CENPN: variants seen among roughly 807,000 people sequenced by gnomAD.
CENPN encodes the protein interphase centromere complex protein 32.
In CENPN, 36 loss-of-function variants were observed where a neutral mutation model predicts 48.6. The ratio of observed to expected loss-of-function variants is 0.74; its 90% CI spans 0.57 to 0.98. CENPN has a LOEUF of 0.98. Ranked by LOEUF, CENPN falls within the 50% of genes least tolerant of loss-of-function variation. The pLI is 0.00. For synonymous variants in CENPN, 166 were observed against 135.2 expected (o/e 1.23, Z -1.58); for missense variants, 439 against 399.2 (o/e 1.10, Z -0.85).
chr16:81,028,790 A>G lies in CENPN; in HGVS notation c.*139A>G, dbSNP rs1342151317. On this transcript the variant is annotated 3_prime_UTR_variant, in exon 11 of 11. Transcript: ENST00000305850. ...GTATTGAATTTTTAGAAATGCTCAC[A>G]TAATTGTTGGGACTGATTCATTCCT... The G allele has an allele frequency of 1.1e-5, 16 of 1,433,308 alleles. No individual in the cohort carries two copies. The East Asian group carries it at 2.6e-4, about 23-fold the overall frequency. 88.8% of individuals were successfully genotyped at this position (1,433,308 alleles called of 1,614,324 possible).
Position 81,022,663 on chromosome 16 carries a change from T to C in CENPN, c.598T>C (p.Ser200Pro). 1 of 1,614,068 alleles carries C rather than the reference T, an allele frequency of 6.2e-7. No homozygotes were observed. Residue 200 changes from serine to proline, a missense_variant, in exon 7 of 11, where the codon TCT becomes CCT. Ser to Pro is a moderately conservative substitution (Grantham distance 74). Coordinates refer to ENST00000305850, the MANE Select transcript of CENPN (RefSeq NM_001100624.3). ...KMDLRSRYLD[S>P]LKAIVFKQYN... ...GGACCTGAGAAGTCGGTATCTGGACTCTCTTAAGGCTATTGTTTTTAAACA... is the reference window on the plus strand; with the variant it reads ...GGACCTGAGAAGTCGGTATCTGGACCCTCTTAAGGCTATTGTTTTTAAACA...
At chr16:81,032,466 C>G (rs2151728360), downstream of CENPN, 1 of 1,182,528 alleles carries the variant, frequency 8.5e-7, no homozygotes, top group East Asian at 2.5e-5. Flanking sequence ...AATCATCACT[C>G]TGATGCCTCC....
At chr16:81,026,037 G>A (rs968600177) in intron 8 of CENPN, among the ~76,000 whole-genome samples, 2 of 147,896 alleles carry the variant, frequency 1.4e-5, no homozygotes, top group Admixed American at 1.4e-4. Flanking sequence ...ACATATATAG[G>A]CTGGGTGCCA....
At chr16:81,025,724 A>C in intron 8 of CENPN, among the ~76,000 whole-genome samples, 1 of 129,386 alleles carries the variant, frequency 7.7e-6, no homozygotes, top group Non-Finnish European at 1.5e-5. Flanking sequence ...TTTTTTTAAG[A>C]CAGAGTCTCA....
chr16:81,021,730 G>A (rs1473963820), intron 6 of CENPN, among the ~76,000 whole-genome samples: 3 of 151,526 alleles, frequency 2.0e-5, no homozygotes, highest in Non-Finnish European at 4.4e-5. Flanking sequence ...GCCACAGGTA[G>A]TTTAAACATT....
intron 6 of CENPN, 167 bp from the exon 7 acceptor site, chr16:81,022,430 C>G: frequency 6.6e-6 from 4 of 605,830 alleles, no homozygotes; most frequent in Non-Finnish European, 5.8e-6. Context: ...CCATTAACCA[C>G]TTTGTTTTTG....
chr16:81,024,817 C>T (rs1970389661), intron 8 of CENPN, 39 bp downstream of exon 8: 1 of 1,280,238 alleles, frequency 7.8e-7, no homozygotes, highest in Non-Finnish European at 1.1e-6. Context: ...TTTGGAAATG[C>T]ATCATTCCCT....
Position 81,017,359 on chromosome 16 carries a change from A to G in CENPN, c.251A>G (p.Glu84Gly), listed in dbSNP as rs767148583. ...TTTCATCAGCACCAGAAAGTTTGGG[A>G]AGTTTTTCAGATGAGTAAAGGACCA... ...MQFHQHQKVW[E>G]VFQMSKGPGE... Residue 84 changes from glutamate to glycine, a missense_variant, in exon 4 of 11, where the codon GAA (glutamate) becomes GGA (glycine). Transcript: ENST00000305850. The G allele has an allele frequency of 6.3e-7, 1 of 1,598,906 alleles. No homozygotes were observed. Among genetic ancestry groups the G allele is most frequent in the Admixed American group, 1.7e-5 (1 of 59,880 alleles).
chr16:81,025,691 CTTTTTTTTTTT>C (rs1175806121), intron 8 of CENPN, among the ~76,000 whole-genome samples: 1 of 9,136 alleles, frequency 1.1e-4, no homozygotes, highest in East Asian at 6.5e-3. Flanking sequence ...CCCTGTCTCT[CTTTTTTTTTTT>C]TTTTTTTTTT....
intron 4 of CENPN, 21 bp from the exon 5 acceptor site, chr16:81,017,737 A>ATT: frequency 1.4e-6 from 2 of 1,464,558 alleles, no homozygotes; most frequent in Non-Finnish European, 1.9e-6. Context: ...ATTTTTCTTT[A>ATT]TTTTTTTTTC....
Position 81,029,378 on chromosome 16 carries a change from T to G in CENPN, c.*727T>G, listed in dbSNP as rs971509475. 1 of 839,000 alleles carries G rather than the reference T, an allele frequency of 1.2e-6. No individual in the cohort carries two copies. Among genetic ancestry groups the G allele is most frequent in the African/African-American group, 1.8e-5 (1 of 54,352 alleles). 52.0% of individuals were successfully genotyped at this position (839,000 alleles called of 1,614,324 possible). Reference sequence around the variant, plus strand: ...ACTAAATACCCTATCTTTTTAAAAATTTTTTCCTTTCTAATTTTTTATTTC... The same window carrying G: ...ACTAAATACCCTATCTTTTTAAAAAGTTTTTCCTTTCTAATTTTTTATTTC... On this transcript the variant is annotated 3_prime_UTR_variant, in exon 11 of 11. Transcript: ENST00000305850.
chr16:81,022,082 T>G (rs1970239099), intron 6 of CENPN, among the ~76,000 whole-genome samples: 1 of 152,206 alleles, frequency 6.6e-6, no homozygotes, highest in Non-Finnish European at 1.5e-5. Context: ...TTGTGTATCT[T>G]AAGGCAAACT....
At chr16:81,022,780 A>G (rs1307330636) in intron 7 of CENPN, 82 bp downstream of exon 7, 9 of 1,614,030 alleles carry the variant, frequency 5.6e-6, no homozygotes, top group African/African-American at 2.7e-5. Context: ...GGGAAAATCT[A>G]CCTCCGACAA....
At chr16:81,009,502 G>A (rs917917939) in intron 1 of CENPN, among the ~76,000 whole-genome samples, 36 of 152,220 alleles carry the variant, frequency 2.4e-4, no homozygotes, top group Admixed American at 3.3e-4. Context: ...GAAGGCTTTA[G>A]ATGGTCCAGT....
In CENPN at chr16:81,020,268, C is replaced by A. The variant is rs370817821; in HGVS notation, c.523C>A (p.Leu175Met). The A allele has an allele frequency of 5.8e-5, 93 of 1,609,764 alleles. No homozygotes were observed. Among genetic ancestry groups the A allele is most frequent in the Non-Finnish European group, 7.8e-5 (92 of 1,178,934 alleles). Residue 175 changes from leucine to methionine, a missense_variant, in exon 6 of 11, where the codon CTG becomes ATG. Physicochemically the swap from Leu to Met is conservative, Grantham distance 15. Transcript: ENST00000305850. ...CATGCTGAGGCGCAATACACCGCTT[C>A]TGGGTCAGGTATGGAAAAAATTATT... is the stretch of plus-strand genomic sequence containing the variant. Reference protein sequence around the residue: ...SSMLRRNTPLLGQALTIASKH... With the variant: ...SSMLRRNTPLMGQALTIASKH...
intron 6 of CENPN, 135 bp from the exon 7 acceptor site, chr16:81,022,462 G>C (rs954712969): frequency 2.1e-5 from 15 of 698,478 alleles, no homozygotes; most frequent in African/African-American, 1.6e-4. Context: ...CAGGCTATCA[G>C]ATGTTTTTCT....
rs1957837025 is a variant in CENPN, at chr16:81,026,613, C to A, written c.785C>A (p.Pro262Gln). 1.3e-6 allele frequency: 2 copies of A among 1,588,784 alleles called. No homozygotes were observed. Among genetic ancestry groups the A allele is most frequent in the Non-Finnish European group, 1.7e-6 (2 of 1,159,628 alleles). Residue 262 changes from proline (P) to glutamine (Q), a missense_variant, in exon 9 of 11, where the codon CCA becomes CAA. Pro to Gln is a moderately conservative substitution (Grantham distance 76). Coordinates refer to ENST00000305850, the MANE Select transcript of CENPN (RefSeq NM_001100624.3). ...TQETFGDYPQ[P>Q]QLEFAQYKLE... Reference sequence around the variant, plus strand: ...GAAACATTTGGAGATTATCCTCAACCACAACTAGAATTTGCACAATATAAG... The same window carrying A: ...GAAACATTTGGAGATTATCCTCAACAACAACTAGAATTTGCACAATATAAG...
downstream of CENPN, chr16:81,032,938 A>G (rs1970829269): frequency 1.2e-5 from 4 of 344,228 alleles, no homozygotes; most frequent in South Asian, 2.7e-4. Context: ...ATCTGTGGCC[A>G]ACCAACCAAT....
At chr16:81,028,133 A>G (rs1392251328) in intron 9 of CENPN, 38 bp from the exon 10 acceptor site, 2 of 1,433,426 alleles carry the variant, frequency 1.4e-6, no homozygotes, top group South Asian at 1.2e-5. Context: ...GTATTTATAC[A>G]ATATGTTTAA....
Sources: gnomAD v4.1 joint callset for allele counts (sites outside exome capture counted in the v4.1 genomes callset) on GRCh38, gnomAD v4.1.1 for gene constraint, MANE v1.5 for transcripts, NCBI Gene and HGNC (gene_info 2026-07-23, HGNC 2026-07-21) for gene names.